Variants in ACOX3 observed in about 807,000 individuals in gnomAD.
ACOX3 encodes acyl-CoA oxidase 3, pristanoyl, also known as peroxisomal acyl-coenzyme A oxidase 3.
Under a neutral mutation model 81.5 loss-of-function variants are expected in ACOX3, and 73 were observed. That is an observed-to-expected ratio of 0.90 (90% CI 0.74 to 1.09). The LOEUF (loss-of-function observed/expected upper bound fraction) is 1.09, where lower values mean the gene tolerates loss of function less well. ACOX3 is among the 50% of genes least tolerant of loss of function. ACOX3 has a pLI of 0.00. For synonymous variants in ACOX3, 387 were observed against 375.1 expected (o/e 1.03, Z -0.37); for missense variants, 947 against 928.0 (o/e 1.02, Z -0.27).
chr4:8,397,177 A>G (rs1188510927), intron 8 of ACOX3, 58 bp from the exon 9 acceptor site: 2 of 1,459,338 alleles, frequency 1.4e-6, no homozygotes, highest in African/African-American at 2.9e-5. Context: ...CCTTGGGCAG[A>G]GTGGCTCAGA....
chr4:8,403,751 CT>C (rs972785394), intron 7 of ACOX3, among the ~76,000 whole-genome samples: 1 of 152,160 alleles, frequency 6.6e-6, no homozygotes, highest in Admixed American at 6.5e-5. Flanking sequence ...TGGATTCAAT[CT>C]CTAGAAATAC....
intron 7 of ACOX3, among the ~76,000 whole-genome samples, chr4:8,404,533 G>C (rs1252251653): frequency 6.7e-6 from 1 of 148,946 alleles, no homozygotes; most frequent in Non-Finnish European, 1.5e-5. Context: ...AATCAATCAA[G>C]ATTTTCCTCT....
intron 1 of ACOX3, among the ~76,000 whole-genome samples, chr4:8,417,767 G>A (rs1369562322): frequency 6.6e-6 from 1 of 152,242 alleles, no homozygotes; most frequent in Non-Finnish European, 1.5e-5. Flanking sequence ...GATCAAGTTG[G>A]TTCCTTGCAA....
chr4:8,424,607 C>T (rs1390196632), intron 1 of ACOX3, among the ~76,000 whole-genome samples: 1 of 152,194 alleles, frequency 6.6e-6, no homozygotes, highest in African/African-American at 2.4e-5. Flanking sequence ...ATACTCACTG[C>T]TAAAGGAGAC....
At chr4:8,440,004 A>G (rs1724507141) in intron 1 of ACOX3, among the ~76,000 whole-genome samples, 1 of 150,264 alleles carries the variant, frequency 6.7e-6, no homozygotes, top group South Asian at 2.1e-4. Flanking sequence ...GTTAAAAAAA[A>G]TAATAATAAT....
Position 8,416,187 on chromosome 4 carries a change from C to T in ACOX3, c.145-188G>A, listed in dbSNP as rs1722311438. The stretch of plus-strand genomic sequence containing the variant: ...GGAGGCTTAAGAAACATCAACAATC[C>T]GTGTTCATTTCCAGACTCCTCATCA... On this transcript the variant is annotated intron_variant, in intron 2 of 17. Coordinates refer to ENST00000356406, the MANE Select transcript of ACOX3 (RefSeq NM_003501.3). The surrounding 1 kb of genome is among the most constrained non-coding windows in gnomAD (Gnocchi z 4.2). 6.6e-6 allele frequency among the ~76,000 whole-genome samples: 1 copy of T among 152,124 alleles called. No homozygotes were observed. Among genetic ancestry groups the T allele is most frequent in the African/African-American group, 2.4e-5 (1 of 41,428 alleles).
intron 6 of ACOX3, among the ~76,000 whole-genome samples, chr4:8,408,284 A>T (rs1360415534): frequency 6.6e-6 from 1 of 151,936 alleles, no homozygotes; most frequent in African/African-American, 2.4e-5. Flanking sequence ...GAAAAAAAGA[A>T]AGAAACCTGC....
At chr4:8,418,533 G>A (rs1243477965) in intron 1 of ACOX3, among the ~76,000 whole-genome samples, 1 of 151,942 alleles carries the variant, frequency 6.6e-6, no homozygotes, top group Middle Eastern at 3.4e-3. Flanking sequence ...ATGGGCAAAG[G>A]GTTCAAATAG....
At chr4:8,371,609 G>A (rs542805089) in intron 16 of ACOX3, among the ~76,000 whole-genome samples, 8 of 152,274 alleles carry the variant, frequency 5.3e-5, no homozygotes, top group South Asian at 2.1e-4. Flanking sequence ...GGGAGACACC[G>A]CTAATGATAT....
chr4:8,414,188 C>G lies in ACOX3; in HGVS notation c.543+104G>C, dbSNP rs1722081899. 1.0e-6 allele frequency: 1 copy of G among 991,662 alleles called. No individual in the cohort carries two copies. Among genetic ancestry groups the G allele is most frequent in the Non-Finnish European group, 1.6e-6 (1 of 633,346 alleles). The allele number at this position is 991,662 out of a possible 1,614,324, so 61.4% of individuals were successfully genotyped here. ...TCTACACAAGTGTATGTGGACAGGC[C>G]TCTTGCTTTAATGTTTTTTTTTTCT... On this transcript the variant is annotated intron_variant, in intron 5 of 17. Transcript: ENST00000356406. This position sits in a 1 kb window ranked among gnomAD's most constrained non-coding sequence, Gnocchi z 6.1.
At chr4:8,356,508 T>C in the ACOX3 span, 1 of 447,576 alleles carries the variant, frequency 2.2e-6, no homozygotes, top group Non-Finnish European at 4.6e-6. Flanking sequence ...GGCTGTGCCA[T>C]CACTTTAAGT....
chr4:8,389,230 C>T lies in ACOX3; in HGVS notation c.1480G>A (p.Gly494Ser), dbSNP rs771708462. ...KSVDFLDAYP[G>S]ILDQKFEVSS... ...ACCTCAAACTTCTGGTCAAGGATGC[C>T]GGGATAGGCGTCCAGAAAGTCCACT... Residue 494 changes from glycine to serine, a missense_variant, in exon 13 of 18, where the codon GGC becomes AGC. Coordinates refer to ENST00000356406, the MANE Select transcript of ACOX3 (RefSeq NM_003501.3). The surrounding 1 kb of genome is among the most constrained non-coding windows in gnomAD (Gnocchi z 5.3). 2.1e-5 allele frequency: 34 copies of T among 1,613,732 alleles called. No individual in the cohort carries two copies. The highest frequency in any genetic ancestry group is 1.6e-4 in the Middle Eastern group (1 of 6,082).
intron 9 of ACOX3, among the ~76,000 whole-genome samples, chr4:8,395,874 C>T (rs1719637937): frequency 6.6e-6 from 1 of 152,270 alleles, no homozygotes. Flanking sequence ...GGAAGTTTCA[C>T]CCAAATCTAC....
intron 1 of ACOX3, among the ~76,000 whole-genome samples, chr4:8,435,112 T>C (rs1279225306): frequency 6.6e-6 from 1 of 152,204 alleles, no homozygotes; most frequent in Non-Finnish European, 1.5e-5. Flanking sequence ...TCTATTAAAA[T>C]GCATGTTACA....
In ACOX3 at chr4:8,394,826, G is replaced by A; in HGVS notation, c.1057-84C>T. Reference sequence around the variant, plus strand: ...CCCAGGGACCATGAAAGCCAGTGCAGGGAGAGGCCGTCAGGGCCACACACC... The same window carrying A: ...CCCAGGGACCATGAAAGCCAGTGCAAGGAGAGGCCGTCAGGGCCACACACC... On this transcript the variant is annotated intron_variant, in intron 9 of 17. Transcript: ENST00000356406. This position sits in a 1 kb window ranked among gnomAD's most constrained non-coding sequence, Gnocchi z 5.9. The A allele has an allele frequency of 6.6e-7, 1 of 1,519,904 alleles. No homozygotes were observed. 94.2% of individuals were successfully genotyped at this position (1,519,904 alleles called of 1,614,324 possible).
At chr4:8,383,197 G>GTGC (rs1282121781) in intron 13 of ACOX3, among the ~76,000 whole-genome samples, 1 of 152,214 alleles carries the variant, frequency 6.6e-6, no homozygotes, top group East Asian at 1.9e-4. Flanking sequence ...GGAAAGACGG[G>GTGC]TGCTGCTGAC....
Position 8,414,367 on chromosome 4 carries a change from A to G in ACOX3, c.468T>C (p.Phe156=). 1.2e-6 allele frequency: 2 copies of G among 1,614,164 alleles called. No homozygotes were observed. The highest frequency in any genetic ancestry group is 1.7e-6 in the Non-Finnish European group (2 of 1,179,972). The change falls in exon 5 of 18, where the codon TTT becomes TTC. Residue 156 remains phenylalanine (F), a synonymous_variant. Coordinates refer to ENST00000356406, the MANE Select transcript of ACOX3 (RefSeq NM_003501.3). This position sits in a 1 kb window ranked among gnomAD's most constrained non-coding sequence, Gnocchi z 6.1. ...TGCCGTGGCTTAATTCGGTCAGAGC[A>G]AAACATCCAAAAATCTAAATGTCAA... is the stretch of plus-strand genomic sequence containing the variant. The part of the protein sequence containing the change: ...KIFRMEIFGC[F]ALTELSHGSN...
intron 5 of ACOX3, among the ~76,000 whole-genome samples, chr4:8,412,647 C>T (rs2108966083): frequency 6.6e-6 from 1 of 152,278 alleles, no homozygotes; most frequent in East Asian, 1.9e-4. Flanking sequence ...AACAGTCCTC[C>T]CTGACCACTG....
rs375664998 is a variant in ACOX3, at chr4:8,379,073, C to T, written c.1653+2419G>A. Among the ~76,000 whole-genome samples the T allele has an allele frequency of 1.4e-4, 22 of 152,324 alleles. No homozygotes were observed. The East Asian group carries it at 2.9e-3, about 20-fold the overall frequency. On this transcript the variant is annotated intron_variant, in intron 14 of 17. Transcript: ENST00000356406. The stretch of plus-strand genomic sequence containing the variant: ...CCTTCCTGGGGGTGTTCTCCGTCGG[C>T]GACATGTTACGTGGGCTTCCACAGG...
Sources: gnomAD v4.1 joint callset for allele counts (sites outside exome capture counted in the v4.1 genomes callset) on GRCh38, gnomAD v4.1.1 for gene constraint, Gnocchi (gnomAD v3.1) non-coding constraint, MANE v1.5 for transcripts, NCBI Gene and HGNC (gene_info 2026-07-23, HGNC 2026-07-21) for gene names.